The following EIPR1 variants were observed in gnomAD, a reference collection of about 807,000 sequenced individuals.
EIPR1 encodes the protein EARP and GARP complex-interacting protein 1.
A neutral mutation model predicts 48.1 loss-of-function variants in EIPR1; 25 were observed. The ratio of observed to expected loss-of-function variants is 0.52; its 90% CI spans 0.38 to 0.73. EIPR1 has a LOEUF of 0.73. Among genes scored for constraint, EIPR1 ranks in the 30% least tolerant of loss-of-function variants. EIPR1 has a pLI of 0.00. For missense variants in EIPR1, 415 were observed against 506.2 expected (o/e 0.82, Z 1.73); for synonymous variants, 204 against 201.9 (o/e 1.01, Z -0.09).
intron 3 of EIPR1, among the ~76,000 whole-genome samples, chr2:3,304,362 A>G (rs1251401214): frequency 6.6e-6 from 1 of 152,172 alleles, no homozygotes; most frequent in African/African-American, 2.4e-5. Flanking sequence ...CCAGCAACCA[A>G]GACTATGTGA....
At chr2:3,357,754 A>G (rs1475444314) in intron 1 of EIPR1, among the ~76,000 whole-genome samples, 1 of 152,166 alleles carries the variant, frequency 6.6e-6, no homozygotes, top group Non-Finnish European at 1.5e-5. Flanking sequence ...CAATTCACGA[A>G]TTGATCATTG....
chr2:3,232,001 T>C (rs1666258028), intron 4 of EIPR1, among the ~76,000 whole-genome samples: 1 of 152,248 alleles, frequency 6.6e-6, no homozygotes, highest in South Asian at 2.1e-4. Context: ...GATTACTGAT[T>C]TAATCTCTAC....
chr2:3,189,319 A>C lies in EIPR1; in HGVS notation c.*15T>G. The C allele has an allele frequency of 6.4e-7, 1 of 1,563,392 alleles. No homozygotes were observed. The highest frequency in any genetic ancestry group is 8.7e-7 in the Non-Finnish European group (1 of 1,145,278). On this transcript the variant is annotated 3_prime_UTR_variant, in exon 9 of 9. Coordinates refer to ENST00000382125, the MANE Select transcript of EIPR1 (RefSeq NM_003310.5). This position sits in a 1 kb window ranked among gnomAD's most constrained non-coding sequence, Gnocchi z 4.6. ...AAAACCACTCAATGGGACCTGGATAACCCAGGCCCGGGAGTCATAGCAGGA... is the reference window on the plus strand; with the variant it reads ...AAAACCACTCAATGGGACCTGGATACCCCAGGCCCGGGAGTCATAGCAGGA...
chr2:3,349,825 T>A (rs1670516939), intron 2 of EIPR1, among the ~76,000 whole-genome samples: 1 of 152,100 alleles, frequency 6.6e-6, no homozygotes, highest in African/African-American at 2.4e-5. Flanking sequence ...CTCACACTGC[T>A]ATAAAGAACT....
intron 4 of EIPR1, among the ~76,000 whole-genome samples, chr2:3,245,464 T>C (rs1003978075): frequency 1.3e-5 from 2 of 152,218 alleles, no homozygotes; most frequent in Admixed American, 6.5e-5. Context: ...CCACCCGCCT[T>C]GGCCTCCCAA....
At position 3,263,974 on chromosome 2, in the gene EIPR1, A is replaced by G. The variant is rs537751158; in HGVS notation, c.260-6519T>C. The stretch of plus-strand genomic sequence containing the variant: ...ACTTATCATTTTTTGTTGTGAAGAC[A>G]CTTGAAATCTACTCTCTTAACAATT... On this transcript the variant is annotated intron_variant, in intron 3 of 8. Transcript: ENST00000382125. 5.9e-5 allele frequency among the ~76,000 whole-genome samples: 9 copies of G among 152,368 alleles called. No individual in the cohort carries two copies. The South Asian group carries it at 1.9e-3, about 32-fold the overall frequency.
At position 3,309,972 on chromosome 2, in the gene EIPR1, A is replaced by G. The variant is rs576592571; in HGVS notation, c.259+28045T>C. ...GCTCTGGCAGTGCCCGTGTACGCAC[A>G]GGGCAGGGACGCTCCCTGCGCTGCT... On this transcript the variant is annotated intron_variant, in intron 3 of 8. Transcript: ENST00000382125. Among the ~76,000 whole-genome samples, 4 of 152,314 alleles carry G rather than the reference A, an allele frequency of 2.6e-5. No individual in the cohort carries two copies. The East Asian group carries it at 7.7e-4, about 29-fold the overall frequency.
chr2:3,307,739 C>A (rs1572422604), intron 3 of EIPR1, among the ~76,000 whole-genome samples: 1 of 152,324 alleles, frequency 6.6e-6, no homozygotes, highest in Admixed American at 6.5e-5. Context: ...ATGGTATAAA[C>A]ATAGTTATAT....
rs151294714 is a variant in EIPR1, at chr2:3,216,997, C to T, written c.417-2749G>A. 5.4e-4 allele frequency among the ~76,000 whole-genome samples: 83 copies of T among 152,338 alleles called. 1 individual carries two copies. Among genetic ancestry groups the T allele is most frequent in the African/African-American group, 1.5e-3 (64 of 41,572 alleles). ...AGAGCAGCATCTTCAAGCCCTTCCT[C>T]GGAAGACAAGTGTGCCCTTTCAACT... On this transcript the variant is annotated intron_variant, in intron 4 of 8. Transcript: ENST00000382125.
intron 3 of EIPR1, among the ~76,000 whole-genome samples, chr2:3,283,962 A>AAAAAAAG (rs1553294333): frequency 1.4e-5 from 2 of 142,526 alleles, no homozygotes; most frequent in Non-Finnish European, 1.5e-5. Flanking sequence ...AAAAAAAAAA[A>AAAAAAAG]AAAGAAAGAA....
intron 2 of EIPR1, among the ~76,000 whole-genome samples, chr2:3,350,115 C>T (rs1185585945): frequency 7.6e-4 from 22 of 29,092 alleles, no homozygotes; most frequent in African/African-American, 2.6e-3. Context: ...AAGACTCTGT[C>T]TCAAAAAAAA....
chr2:3,360,273 G>A (rs1236347515), intron 1 of EIPR1, among the ~76,000 whole-genome samples: 1 of 152,050 alleles, frequency 6.6e-6, no homozygotes, highest in Non-Finnish European at 1.5e-5. Context: ...GCGTGGTGGT[G>A]AGCGCCTGTA....
intron 3 of EIPR1, among the ~76,000 whole-genome samples, chr2:3,335,460 C>T (rs564711212): frequency 2.7e-5 from 4 of 150,758 alleles, no homozygotes; most frequent in Admixed American, 1.3e-4. Context: ...TGGTCCTGCA[C>T]GAGGGGGGTT....
chr2:3,246,748 A>AGAGGAAGAGAGG (rs1180218748), intron 4 of EIPR1, among the ~76,000 whole-genome samples: 5 of 140,316 alleles, frequency 3.6e-5, no homozygotes, highest in South Asian at 2.4e-4. Flanking sequence ...TGGGAGGGAG[A>AGAGGAAGAGAGG]GAGGAAGAGA....
At chr2:3,190,975 T>C (rs572768921) in intron 8 of EIPR1, among the ~76,000 whole-genome samples, 2 of 152,236 alleles carry the variant, frequency 1.3e-5, no homozygotes, top group South Asian at 4.1e-4. Context: ...GGGCCTGTTG[T>C]CTCAGCTACT....
chr2:3,232,394 T>C (rs1328909811), intron 4 of EIPR1, among the ~76,000 whole-genome samples: 1 of 152,200 alleles, frequency 6.6e-6, no homozygotes, highest in Non-Finnish European at 1.5e-5. Context: ...TAAAGTTGAG[T>C]TGATTATTTG....
chr2:3,316,810 C>T (rs574361187), intron 3 of EIPR1, among the ~76,000 whole-genome samples: 1 of 152,390 alleles, frequency 6.6e-6, no homozygotes, highest in Non-Finnish European at 1.5e-5. Context: ...ACCTGGTCCA[C>T]ACCTTCCCCA....
At chr2:3,226,979 A>C (rs562420189) in intron 4 of EIPR1, among the ~76,000 whole-genome samples, 2 of 152,186 alleles carry the variant, frequency 1.3e-5, no homozygotes, top group East Asian at 3.9e-4. Context: ...AGTCCATTGA[A>C]CCTCTTTTTC....
At chr2:3,222,639 G>A (rs1665933430) in intron 4 of EIPR1, among the ~76,000 whole-genome samples, 1 of 152,174 alleles carries the variant, frequency 6.6e-6, no homozygotes, top group African/African-American at 2.4e-5. Flanking sequence ...AAGAGCACAG[G>A]GAAATGAAGG....
Sources: allele counts gnomAD v4.1 joint callset (sites outside exome capture counted in the v4.1 genomes callset), GRCh38; gene constraint gnomAD v4.1.1; non-coding constraint Gnocchi (gnomAD v3.1); transcripts MANE v1.5; gene names NCBI Gene and HGNC (gene_info 2026-07-23, HGNC 2026-07-21).